DDX10: variants seen among roughly 807,000 people sequenced by gnomAD.
DDX10 encodes probable ATP-dependent RNA helicase DDX10.
In DDX10, 74 loss-of-function variants were observed where a neutral mutation model predicts 104.3. The observed-to-expected ratio is 0.71, with a 90% CI of 0.59 to 0.86. The LOEUF is 0.86. Ranked by LOEUF, DDX10 falls within the 40% of genes least tolerant of loss-of-function variation. The pLI, the probability that DDX10 is intolerant of heterozygous loss-of-function variation, is 0.00. For missense variants in DDX10, 952 were observed against 1,040.0 expected (o/e 0.92, Z 1.16); for synonymous variants, 351 against 353.4 (o/e 0.99, Z 0.08).
chr11:108,838,439 C>A lies in DDX10; in HGVS notation c.1966-7C>A. 1 of 1,606,074 alleles carries A rather than the reference C, an allele frequency of 6.2e-7. No homozygotes were observed. The highest frequency in any genetic ancestry group is 1.1e-5 in the South Asian group (1 of 89,488). ...ATCATCTGTGTTTTTTGTATGTTCT[C>A]ACACAGAAGAAAGAACCTTCTAAAT... is the stretch of plus-strand genomic sequence containing the variant. On this transcript the variant is annotated splice_polypyrimidine_tract_variant and splice_region_variant and intron_variant, in intron 13 of 17. Coordinates refer to ENST00000322536, the MANE Select transcript of DDX10 (RefSeq NM_004398.4).
chr11:108,896,354 A>AT (rs11447538), intron 16 of DDX10, among the ~76,000 whole-genome samples: 143,366 of 148,578 alleles, frequency 0.96, 69,308 homozygotes, highest in East Asian at 1. Flanking sequence ...TCCTTCACAT[A>AT]TTTTTTTTTT....
At chr11:108,743,899 T>G (rs1006029897) in intron 13 of DDX10, among the ~76,000 whole-genome samples, 6 of 152,184 alleles carry the variant, frequency 3.9e-5, no homozygotes, top group South Asian at 2.1e-4. Context: ...GGAGAAGCAA[T>G]ATAAAAACTG....
chr11:108,930,219 C>A (rs1863959471), intron 17 of DDX10, among the ~76,000 whole-genome samples: 4 of 152,122 alleles, frequency 2.6e-5, no homozygotes, highest in Admixed American at 2.6e-4. Flanking sequence ...CACAGTTTTG[C>A]CTTTTCTGGA....
chr11:108,709,778 C>A (rs1234044317), intron 10 of DDX10, among the ~76,000 whole-genome samples: 1 of 151,842 alleles, frequency 6.6e-6, no homozygotes, highest in Non-Finnish European at 1.5e-5. Context: ...CAATTTCAGT[C>A]ATTTCTACTC....
chr11:108,807,529 A>C (rs1862117365), intron 13 of DDX10, among the ~76,000 whole-genome samples: 1 of 152,186 alleles, frequency 6.6e-6, no homozygotes, highest in Non-Finnish European at 1.5e-5. Context: ...TGAATTGACT[A>C]GATGTGGTGA....
At chr11:108,828,471 A>T (rs1468403222) in intron 13 of DDX10, among the ~76,000 whole-genome samples, 1 of 152,150 alleles carries the variant, frequency 6.6e-6, no homozygotes, top group East Asian at 1.9e-4. Context: ...GTTGCTGTGA[A>T]TGCCATTATT....
At chr11:108,669,628 G>A (rs2094214483) in intron 1 of DDX10, among the ~76,000 whole-genome samples, 1 of 152,194 alleles carries the variant, frequency 6.6e-6, no homozygotes, top group Non-Finnish European at 1.5e-5. Context: ...GCTTCTTAAA[G>A]TGTCCACATC....
intron 1 of DDX10, 99 bp downstream of exon 1, chr11:108,665,438 C>T: frequency 7.3e-7 from 1 of 1,366,118 alleles, no homozygotes; most frequent in Non-Finnish European, 9.7e-7. Context: ...GATCTGTCAC[C>T]GGGACCCGGC....
intron 16 of DDX10, among the ~76,000 whole-genome samples, chr11:108,904,737 T>TC (rs1043470762): frequency 1.3e-5 from 2 of 151,864 alleles, no homozygotes; most frequent in Non-Finnish European, 2.9e-5. Context: ...TTTTTTTTTT[T>TC]CCCCTGAGAT....
At chr11:108,884,828 G>A (rs1300874796) in intron 16 of DDX10, among the ~76,000 whole-genome samples, 1 of 152,266 alleles carries the variant, frequency 6.6e-6, no homozygotes, top group Non-Finnish European at 1.5e-5. Flanking sequence ...TCTCTTCAGA[G>A]CTGACTTCCA....
intron 13 of DDX10, chr11:108,822,694 T>G (rs1002523682): frequency 6.5e-6 from 1 of 153,588 alleles, no homozygotes; most frequent in African/African-American, 2.4e-5. Context: ...GTTCCCTCTC[T>G]GAAGCTGGAT....
rs71050884 is a variant in DDX10, at chr11:108,728,504, C to CTTTTTTTTTTTTTTTT, written c.1965+5054_1965+5069dup. On this transcript the variant is annotated intron_variant, in intron 13 of 17. Coordinates refer to ENST00000322536, the MANE Select transcript of DDX10 (RefSeq NM_004398.4). The stretch of plus-strand genomic sequence containing the variant: ...TTTTAAGTATACATACACATTTGTT[C>CTTTTTTTTTTTTTTTT]TTTTTTTTTTTTTTTTTTTTTTTTT... Among the ~76,000 whole-genome samples the CTTTTTTTTTTTTTTTT allele has an allele frequency of 4.1e-5, 5 of 121,780 alleles. 1 individual carries two copies. The highest frequency in any genetic ancestry group is 2.0e-4 in the African/African-American group (5 of 24,396). The allele number at this position is 121,780 out of a possible 152,430, so 79.9% of individuals were successfully genotyped here.
chr11:108,807,358 A>C (rs190617864), intron 13 of DDX10, among the ~76,000 whole-genome samples: 215 of 152,274 alleles, frequency 1.4e-3, no homozygotes, highest in African/African-American at 4.9e-3. Context: ...TTATATTTTA[A>C]ACTGTGACTG....
At chr11:108,921,083 G>A (rs1274554234) in intron 17 of DDX10, 1 of 152,204 alleles carries the variant, frequency 6.6e-6, no homozygotes, top group Non-Finnish European at 1.5e-5. Context: ...GGTACGGAAG[G>A]TAAAACCTAT....
At chr11:108,914,882 T>A (rs1863726624) in intron 16 of DDX10, among the ~76,000 whole-genome samples, 1 of 148,646 alleles carries the variant, frequency 6.7e-6, no homozygotes, top group African/African-American at 2.5e-5. Context: ...GTACAGTTAC[T>A]GAAATTTAAA....
intron 14 of DDX10, among the ~76,000 whole-genome samples, chr11:108,839,484 A>G (rs981716142): frequency 1.3e-5 from 2 of 152,218 alleles, no homozygotes; most frequent in African/African-American, 4.8e-5. Flanking sequence ...AAGGTACCTA[A>G]CATAATAAGC....
At chr11:108,806,494 C>A (rs1303114809) in intron 13 of DDX10, among the ~76,000 whole-genome samples, 1 of 152,128 alleles carries the variant, frequency 6.6e-6, no homozygotes, top group Non-Finnish European at 1.5e-5. Context: ...GCTATAGAGC[C>A]AGAGAATGAC....
At chr11:108,899,495 CTT>C (rs528077626) in intron 16 of DDX10, among the ~76,000 whole-genome samples, 288 of 143,578 alleles carry the variant, frequency 2.0e-3, no homozygotes, top group African/African-American at 6.4e-3. Context: ...GCACAGCTAC[CTT>C]TTTTTTTTTT....
intron 13 of DDX10, among the ~76,000 whole-genome samples, chr11:108,803,559 C>T (rs2134560511): frequency 6.8e-6 from 1 of 147,926 alleles, no homozygotes; most frequent in South Asian, 2.1e-4. Context: ...ACACCATTGC[C>T]CTCTAGCCTG....
Sources: gnomAD v4.1 joint callset for allele counts (sites outside exome capture counted in the v4.1 genomes callset) on GRCh38, gnomAD v4.1.1 for gene constraint, MANE v1.5 for transcripts, NCBI Gene and HGNC (gene_info 2026-07-23, HGNC 2026-07-21) for gene names.